The following KLRG1 variants were observed in gnomAD, a reference collection of about 807,000 sequenced individuals.
KLRG1 encodes killer cell lectin-like receptor subfamily G member 1.
In KLRG1, 16 loss-of-function variants were observed where a neutral mutation model predicts 21.8. That is an observed-to-expected ratio of 0.73 (90% CI 0.50 to 1.11). The LOEUF (loss-of-function observed/expected upper bound fraction) is 1.11, where lower values mean the gene tolerates loss of function less well. Among genes scored for constraint, KLRG1 ranks in the 50% most tolerant of loss-of-function variants. KLRG1 has a pLI of 0.00. For missense variants in KLRG1, 173 were observed against 218.3 expected (o/e 0.79, Z 1.31); for synonymous variants, 69 against 75.9 (o/e 0.91, Z 0.47).
chr12:9,214,415 A>C, the KLRG1 span, among the ~76,000 whole-genome samples: 148 of 152,156 alleles, frequency 9.7e-4, 1 homozygote, highest in African/African-American at 3.5e-3. Flanking sequence ...CTGTACATCA[A>C]TTTGGGGACT....
At chr12:9,175,795 A>G in the KLRG1 span, among the ~76,000 whole-genome samples, 2 of 152,208 alleles carry the variant, frequency 1.3e-5, no homozygotes, top group Non-Finnish European at 2.9e-5. Flanking sequence ...GCTGTTAAAA[A>G]GTCAAAAAAC....
At chr12:9,158,505 G>A in the KLRG1 span, 2 of 1,614,158 alleles carry the variant, frequency 1.2e-6, no homozygotes, top group Non-Finnish European at 8.5e-7. Context: ...GAGAGATTGG[G>A]TAATGTGTGC....
At chr12:9,211,033 G>A in the KLRG1 span, among the ~76,000 whole-genome samples, 1 of 152,138 alleles carries the variant, frequency 6.6e-6, no homozygotes, top group Non-Finnish European at 1.5e-5. Context: ...TGTATGAGAG[G>A]CATGTACTTA....
At chr12:9,085,654 G>A in the KLRG1 span, among the ~76,000 whole-genome samples, 1 of 151,842 alleles carries the variant, frequency 6.6e-6, no homozygotes, top group South Asian at 2.1e-4. Flanking sequence ...AAATAATAAA[G>A]ATTAGAGCAG....
At chr12:8,970,612 A>G (rs1390241257) in intron 1 of KLRG1, 1 of 151,886 alleles carries the variant, frequency 6.6e-6, no homozygotes, top group East Asian at 1.9e-4. Context: ...TTCATCTTTT[A>G]TTTATTTACT....
At chr12:9,024,882 T>C in the KLRG1 span, among the ~76,000 whole-genome samples, 1 of 152,128 alleles carries the variant, frequency 6.6e-6, no homozygotes, top group Non-Finnish European at 1.5e-5. Flanking sequence ...GATAGTAAAG[T>C]CTTTATTTCT....
the KLRG1 span, among the ~76,000 whole-genome samples, chr12:9,211,146 C>A: frequency 6.6e-6 from 1 of 152,180 alleles, no homozygotes; most frequent in African/African-American, 2.4e-5. Flanking sequence ...GCCACCAATA[C>A]TCTAGCTTTT....
the KLRG1 span, among the ~76,000 whole-genome samples, chr12:9,094,340 C>CATATATATAT: frequency 2.9e-3 from 282 of 97,006 alleles, 3 homozygotes; most frequent in East Asian, 9.0e-3. Flanking sequence ...AAAAATTGTG[C>CATATATATAT]ATATATATAT....
the KLRG1 span, among the ~76,000 whole-genome samples, chr12:9,053,966 C>T: frequency 2.0e-5 from 3 of 152,186 alleles, no homozygotes; most frequent in Non-Finnish European, 4.4e-5. Flanking sequence ...TCCAGCTCCT[C>T]ACCCTCCATG....
the KLRG1 span, among the ~76,000 whole-genome samples, chr12:9,043,424 GTCT>G: frequency 2.6e-5 from 4 of 152,110 alleles, no homozygotes; most frequent in African/African-American, 9.7e-5. Context: ...GAGATATCTT[GTCT>G]CCTGTGCTCA....
At chr12:8,994,073 G>A (rs771509510) in intron 2 of KLRG1, among the ~76,000 whole-genome samples, 1 of 152,172 alleles carries the variant, frequency 6.6e-6, no homozygotes, top group African/African-American at 2.4e-5. Flanking sequence ...ATCTTTGATT[G>A]TTTGTTTTTG....
At position 8,991,879 on chromosome 12, in the gene KLRG1, G is replaced by A. The variant is rs764310644; in HGVS notation, c.83-327G>A. On this transcript the variant is annotated intron_variant, in intron 1 of 4. Coordinates refer to ENST00000356986, the MANE Select transcript of KLRG1 (RefSeq NM_005810.4). ...AGGTCAAAGGGTACATGCCTTTGCC[G>A]TTTTGGTAGATATTGCCCAATTGTC... Among the ~76,000 whole-genome samples the A allele has an allele frequency of 2.0e-5, 3 of 152,270 alleles. No homozygotes were observed. In the East Asian group the frequency reaches 5.8e-4, roughly 29 times the overall value.
At chr12:9,130,892 T>TA in the KLRG1 span, among the ~76,000 whole-genome samples, 6 of 152,182 alleles carry the variant, frequency 3.9e-5, no homozygotes, top group Non-Finnish European at 8.8e-5. Flanking sequence ...GTCATGAGAT[T>TA]ATCCTGTCTG....
chr12:9,045,201 C>T, the KLRG1 span, among the ~76,000 whole-genome samples: 42 of 152,156 alleles, frequency 2.8e-4, no homozygotes, highest in East Asian at 6.9e-3. Flanking sequence ...ATTGAGGTAA[C>T]GGGCAAACCA....
At chr12:9,060,058 G>A in the KLRG1 span, among the ~76,000 whole-genome samples, 2 of 133,020 alleles carry the variant, frequency 1.5e-5, no homozygotes, top group East Asian at 4.5e-4. Context: ...AGGCTGGAGT[G>A]CAGTGGCGTG....
At chr12:8,991,973 G>T in intron 1 of KLRG1, 1 of 371,786 alleles carries the variant, frequency 2.7e-6, no homozygotes. Flanking sequence ...AGTTTCAAAG[G>T]AAAAAAGCAT....
intron 1 of KLRG1, among the ~76,000 whole-genome samples, chr12:8,975,242 A>T (rs1946639432): frequency 6.6e-6 from 1 of 151,862 alleles, no homozygotes; most frequent in Non-Finnish European, 1.5e-5. Flanking sequence ...ATTACTATTA[A>T]TTTTTCTTTA....
chr12:9,159,839 G>C, the KLRG1 span: 1 of 1,027,460 alleles, frequency 9.7e-7, no homozygotes, highest in Admixed American at 2.2e-5. Flanking sequence ...CCTAGTTTCA[G>C]GTATTCTGTT....
At chr12:9,144,107 A>G in the KLRG1 span, among the ~76,000 whole-genome samples, 1 of 152,174 alleles carries the variant, frequency 6.6e-6, no homozygotes, top group Non-Finnish European at 1.5e-5. Flanking sequence ...TTAGTGTCCA[A>G]TATTGGATGT....
Sources: gnomAD v4.1 joint callset for allele counts (sites outside exome capture counted in the v4.1 genomes callset) on GRCh38, gnomAD v4.1.1 for gene constraint, MANE v1.5 for transcripts, NCBI Gene and HGNC (gene_info 2026-07-23, HGNC 2026-07-21) for gene names.